Variants in GLCCI1 observed in about 807,000 individuals in gnomAD.
GLCCI1 encodes the protein glucocorticoid-induced transcript 1 protein.
In GLCCI1, 24 loss-of-function variants were observed where a neutral mutation model predicts 52.2. The ratio of observed to expected loss-of-function variants is 0.46; its 90% confidence interval spans 0.33 to 0.65. GLCCI1 has a LOEUF of 0.65. GLCCI1 is among the 30% of genes least tolerant of loss of function. The probability of loss-of-function intolerance (pLI) is 0.02; values close to 1 mark genes in which losing one functional copy is unlikely to be tolerated. For synonymous variants in GLCCI1, 310 were observed against 276.5 expected, an observed-to-expected ratio of 1.12 and a Z score of -1.20; for missense variants, 704 against 701.5, an observed-to-expected ratio of 1.00 and a Z score of -0.04.
At chr7:8,025,205 C>T (rs1345384599) in intron 3 of GLCCI1, among the ~76,000 whole-genome samples, 1 of 152,026 alleles carries the variant, frequency 6.6e-6, no homozygotes, top group African/African-American at 2.4e-5. Flanking sequence ...GTGTTCTTGG[C>T]CAGGAGAGCC....
At chr7:8,054,671 T>C (rs1459926126) in intron 3 of GLCCI1, among the ~76,000 whole-genome samples, 1 of 152,076 alleles carries the variant, frequency 6.6e-6, no homozygotes, top group East Asian at 1.9e-4. Context: ...CAGGGAATAA[T>C]TATTAATTGA....
At chr7:8,030,950 A>G (rs1781734469) in intron 3 of GLCCI1, among the ~76,000 whole-genome samples, 1 of 152,124 alleles carries the variant, frequency 6.6e-6, no homozygotes. Flanking sequence ...GATGTAAATT[A>G]GTACAACCAC....
Position 8,088,976 on chromosome 7 carries a change from A to G in GLCCI1, c.*2438A>G, listed in dbSNP as rs1239463556. 1 of 152,678 alleles carries G rather than the reference A, an allele frequency of 6.5e-6. No individual in the cohort carries two copies. The highest frequency in any genetic ancestry group is 1.5e-5 in the Non-Finnish European group (1 of 68,050). The allele number at this position is 152,678 out of a possible 1,614,324, so 9.5% of individuals were successfully genotyped here. ...TGCGCTGAACAGTATTTGAGTTACC[A>G]TATAATATGGCTTTACACAAGGAAA... On this transcript the variant is annotated 3_prime_UTR_variant, in exon 8 of 8. Transcript: ENST00000223145.
Position 8,086,267 on chromosome 7 carries a change from C to G in GLCCI1, c.1373C>G (p.Ser458Ter). 1 of 1,614,194 alleles carries G rather than the reference C, an allele frequency of 6.2e-7. No individual in the cohort carries two copies. Among genetic ancestry groups the G allele is most frequent in the Non-Finnish European group, 8.5e-7 (1 of 1,180,026 alleles). The change falls in exon 8 of 8, where the codon TCA becomes TGA. Residue 458 changes from serine to a stop codon, truncating the protein, a stop_gained. Coordinates refer to ENST00000223145, the MANE Select transcript of GLCCI1 (RefSeq NM_138426.4). LOFTEE classifies it high-confidence loss of function. The surrounding 1 kb of genome is among the most constrained non-coding windows in gnomAD (Gnocchi z 4.4). ...KNKVNFIPTGSAFCPVKLLGP... is the reference protein window; with the variant it reads ...KNKVNFIPTG ...AAGGTTAATTTCATCCCAACCGGAT[C>G]AGCTTTCTGTCCTGTAAAACTTCTA...
At chr7:7,973,278 A>G (rs1780393011) in intron 1 of GLCCI1, among the ~76,000 whole-genome samples, 1 of 152,226 alleles carries the variant, frequency 6.6e-6, no homozygotes, top group South Asian at 2.1e-4. Flanking sequence ...TAAAATCATT[A>G]GTAACAACCA....
chr7:8,066,810 T>G (rs1217748464), intron 5 of GLCCI1, among the ~76,000 whole-genome samples: 1 of 152,062 alleles, frequency 6.6e-6, no homozygotes, highest in Non-Finnish European at 1.5e-5. Flanking sequence ...TTCGTGTGGT[T>G]GTTTTTATAT....
chr7:7,975,716 TG>T (rs768556176), intron 1 of GLCCI1, among the ~76,000 whole-genome samples: 183 of 152,294 alleles, frequency 1.2e-3, no homozygotes, highest in Non-Finnish European at 2.3e-3. Flanking sequence ...AAAATATAGA[TG>T]GATTGGCCAT....
Position 8,042,794 on chromosome 7 carries a change from A to G in GLCCI1, c.697-12639A>G, listed in dbSNP as rs556809221. On this transcript the variant is annotated intron_variant, in intron 3 of 7. Coordinates refer to ENST00000223145, the MANE Select transcript of GLCCI1 (RefSeq NM_138426.4). ...AGAAGCTGTGAACATTGTTGAAATGATAACAAAAGATTTAGAATATTACAT... is the reference window on the plus strand; with the variant it reads ...AGAAGCTGTGAACATTGTTGAAATGGTAACAAAAGATTTAGAATATTACAT... Among the ~76,000 whole-genome samples the G allele has an allele frequency of 1.3e-3, 192 of 152,358 alleles. 2 individuals are homozygous for G. The highest frequency in any genetic ancestry group is 7.0e-3 in the South Asian group (34 of 4,828).
intron 3 of GLCCI1, among the ~76,000 whole-genome samples, chr7:8,041,962 G>A (rs904343210): frequency 1.2e-4 from 19 of 152,056 alleles, no homozygotes; most frequent in African/African-American, 4.4e-4. Context: ...ATTATGCTAT[G>A]TCTATTGTGC....
At chr7:8,015,261 C>G (rs1362081796) in intron 2 of GLCCI1, among the ~76,000 whole-genome samples, 1 of 152,228 alleles carries the variant, frequency 6.6e-6, no homozygotes, top group Non-Finnish European at 1.5e-5. Flanking sequence ...CAAATACTTA[C>G]TGATATAAAA....
intron 3 of GLCCI1, among the ~76,000 whole-genome samples, chr7:8,052,038 C>T (rs1325471561): frequency 2.0e-5 from 3 of 152,270 alleles, no homozygotes; most frequent in South Asian, 2.1e-4. Flanking sequence ...AGGTACTACC[C>T]TATAGGTCAC....
intron 2 of GLCCI1, among the ~76,000 whole-genome samples, chr7:8,009,517 A>G (rs1781219698): frequency 6.6e-6 from 1 of 152,226 alleles, no homozygotes; most frequent in Non-Finnish European, 1.5e-5. Flanking sequence ...GGCACATGAT[A>G]GGATTCTACT....
At chr7:7,981,571 C>T in intron 1 of GLCCI1, 1 of 195,940 alleles carries the variant, frequency 5.1e-6, no homozygotes. Context: ...GATTCACTTG[C>T]CCTGGCCTCC....
chr7:8,078,093 G>A (rs1216907119), intron 6 of GLCCI1, among the ~76,000 whole-genome samples: 1 of 151,744 alleles, frequency 6.6e-6, no homozygotes, highest in African/African-American at 2.4e-5. Flanking sequence ...AATGAGCCGG[G>A]CGTGGTGGCG....
chr7:8,068,792 G>C (rs893944509), intron 5 of GLCCI1, among the ~76,000 whole-genome samples: 1 of 152,174 alleles, frequency 6.6e-6, no homozygotes, highest in African/African-American at 2.4e-5. Context: ...GGTATAATTT[G>C]TACAGTCGGT....
intron 2 of GLCCI1, among the ~76,000 whole-genome samples, chr7:8,006,247 G>A (rs1397193952): frequency 6.6e-6 from 1 of 152,208 alleles, no homozygotes; most frequent in Non-Finnish European, 1.5e-5. Context: ...ATTGTTGACA[G>A]TATCAGATGC....
intron 5 of GLCCI1, among the ~76,000 whole-genome samples, chr7:8,063,615 CTT>C (rs917291629): frequency 3.1e-4 from 35 of 113,652 alleles, no homozygotes; most frequent in South Asian, 8.5e-4. Flanking sequence ...ACTTTTCTTC[CTT>C]TTTTTTTTTT....
Position 8,086,328 on chromosome 7 carries a change from G to T in GLCCI1, c.1434G>T (p.Lys478Asn). Reference protein sequence around the residue: ...PLLPASDLMLKNSPNSGQSSA... With the variant: ...PLLPASDLMLNNSPNSGQSSA... The stretch of plus-strand genomic sequence containing the variant: ...TACCTGCTTCTGACCTTATGCTCAA[G>T]AACTCCCCTAACTCTGGCCAGAGCT... Residue 478 changes from lysine to asparagine, a missense_variant, in exon 8 of 8, where the codon AAG becomes AAT. Around this residue, in one of 3 missense-constraint regions of GLCCI1, gnomAD observed 149 missense variants for 152.9 expected, o/e 0.97. Transcript: ENST00000223145. This position sits in a 1 kb window ranked among gnomAD's most constrained non-coding sequence, Gnocchi z 4.4. 1 of 1,614,042 alleles carries T rather than the reference G, an allele frequency of 6.2e-7. No individual in the cohort carries two copies. Among genetic ancestry groups the T allele is most frequent in the Non-Finnish European group, 8.5e-7 (1 of 1,179,954 alleles).
chr7:8,060,309 G>A, intron 5 of GLCCI1, 61 bp downstream of exon 5: 4 of 1,321,696 alleles, frequency 3.0e-6, no homozygotes, highest in Non-Finnish European at 4.3e-6. Context: ...TGTCTGAAAA[G>A]TACTTTCTTG....
Sources: allele counts gnomAD v4.1 joint callset (sites outside exome capture counted in the v4.1 genomes callset), GRCh38; gene constraint gnomAD v4.1.1; regional missense constraint gnomAD v4.1.1; non-coding constraint Gnocchi (gnomAD v3.1); transcripts MANE v1.5; gene names NCBI Gene and HGNC (gene_info 2026-07-23, HGNC 2026-07-21).